The following CLVS1 variants were observed in gnomAD, a reference collection of about 807,000 sequenced individuals.
CLVS1 encodes clavesin 1.
CLVS1 carries 10 observed loss-of-function variants against 33.1 expected under a neutral mutation model. The ratio of observed to expected loss-of-function variants is 0.30; its 90% CI spans 0.19 to 0.51. The LOEUF is 0.51. Among genes scored for constraint, CLVS1 ranks in the 20% least tolerant of loss-of-function variants. The probability of loss-of-function intolerance (pLI) is 0.97; values close to 1 mark genes in which losing one functional copy is unlikely to be tolerated. For synonymous variants in CLVS1, 163 were observed against 166.1 expected, an observed-to-expected ratio of 0.98 and a Z score of 0.14; for missense variants, 343 against 433.4, an observed-to-expected ratio of 0.79 and a Z score of 1.85.
chr8:61,226,980 GTTTTT>G (rs55718731), intron 2 of CLVS1, among the ~76,000 whole-genome samples: 1 of 132,310 alleles, frequency 7.6e-6, no homozygotes, highest in African/African-American at 2.9e-5. Flanking sequence ...ACGAAAACAT[GTTTTT>G]TTTTTTTTTT....
chr8:61,368,121 C>A (rs760217154), intron 2 of CLVS1, among the ~76,000 whole-genome samples: 3 of 152,172 alleles, frequency 2.0e-5, no homozygotes, highest in Non-Finnish European at 4.4e-5. Flanking sequence ...CAAACCACTG[C>A]TTTATTTAAA....
chr8:61,284,102 G>A (rs1457340006), upstream of CLVS1, among the ~76,000 whole-genome samples: 1 of 152,206 alleles, frequency 6.6e-6, no homozygotes, highest in Non-Finnish European at 1.5e-5. Flanking sequence ...TATGTTAAGT[G>A]ACATAAGTCA....
chr8:61,148,826 C>T (rs2129294432), intron 2 of CLVS1, among the ~76,000 whole-genome samples: 1 of 152,294 alleles, frequency 6.6e-6, no homozygotes, highest in African/African-American at 2.4e-5. Context: ...GAAAAGAAGA[C>T]TGATGTGTGT....
At chr8:61,137,471 C>A (rs932545424) in intron 2 of CLVS1, among the ~76,000 whole-genome samples, 1 of 152,122 alleles carries the variant, frequency 6.6e-6, no homozygotes, top group African/African-American at 2.4e-5. Context: ...CTTCAGTTGT[C>A]ATGAGGTGTA....
chr8:61,272,993 T>C (rs1809478476), intron 2 of CLVS1, among the ~76,000 whole-genome samples: 1 of 151,010 alleles, frequency 6.6e-6, no homozygotes, highest in Non-Finnish European at 1.5e-5. Context: ...TTCTCTCAGC[T>C]CGTCAAAGTC....
At chr8:61,082,526 C>T (rs1320687438) in intron 1 of CLVS1, among the ~76,000 whole-genome samples, 1 of 151,902 alleles carries the variant, frequency 6.6e-6, no homozygotes, top group Non-Finnish European at 1.5e-5. Context: ...AAAAACTGTG[C>T]CTTGGTAGAT....
chr8:61,169,143 G>T (rs1806941867), intron 2 of CLVS1, among the ~76,000 whole-genome samples: 1 of 152,134 alleles, frequency 6.6e-6, no homozygotes, highest in South Asian at 2.1e-4. Flanking sequence ...CCAGCCACCA[G>T]TTCAGCTTTT....
intron 3 of CLVS1, among the ~76,000 whole-genome samples, chr8:61,439,394 G>A (rs1227254268): frequency 1.3e-5 from 2 of 152,332 alleles, no homozygotes; most frequent in East Asian, 1.9e-4. Flanking sequence ...GAAGTTGGAA[G>A]TGATTTTTAT....
At chr8:61,474,874 C>A (rs1329476546) in intron 5 of CLVS1, among the ~76,000 whole-genome samples, 1 of 152,136 alleles carries the variant, frequency 6.6e-6, no homozygotes, top group Non-Finnish European at 1.5e-5. Flanking sequence ...TATACATGTG[C>A]CATGTTGGTG....
chr8:61,236,113 T>C (rs2978550), intron 2 of CLVS1, among the ~76,000 whole-genome samples: 94,077 of 151,974 alleles, frequency 0.62, 31,235 homozygotes, highest in East Asian at 0.96. Context: ...CCATAGATTC[T>C]GAGGCGAGCT....
intron 2 of CLVS1, among the ~76,000 whole-genome samples, chr8:61,218,801 G>T (rs1330064023): frequency 6.8e-6 from 1 of 146,912 alleles, no homozygotes. Flanking sequence ...AAAAAAAGCT[G>T]GGAGTAGTCA....
intron 2 of CLVS1, among the ~76,000 whole-genome samples, chr8:61,317,263 A>C (rs563713700): frequency 6.6e-6 from 1 of 152,266 alleles, no homozygotes; most frequent in Admixed American, 6.5e-5. Context: ...AGAGGGCAGG[A>C]ATGTTGTGTC....
intron 2 of CLVS1, among the ~76,000 whole-genome samples, chr8:61,205,676 A>C (rs569398168): frequency 2.0e-5 from 3 of 152,278 alleles, no homozygotes; most frequent in Admixed American, 1.3e-4. Context: ...TTTTTTGAGC[A>C]ACCACCATCT....
At chr8:61,401,425 C>A (rs111369125) in intron 3 of CLVS1, among the ~76,000 whole-genome samples, 1 of 152,022 alleles carries the variant, frequency 6.6e-6, no homozygotes, top group African/African-American at 2.4e-5. Flanking sequence ...TGTCTTGTAT[C>A]GTTTTGAAGA....
chr8:61,358,612 CA>C (rs2129599748), intron 2 of CLVS1, among the ~76,000 whole-genome samples: 1 of 152,192 alleles, frequency 6.6e-6, no homozygotes, highest in African/African-American at 2.4e-5. Flanking sequence ...TTAAAACAAA[CA>C]AACAAACAAA....
At chr8:61,489,083 G>A (rs891854577) in intron 5 of CLVS1, among the ~76,000 whole-genome samples, 1 of 152,180 alleles carries the variant, frequency 6.6e-6, no homozygotes, top group African/African-American at 2.4e-5. Flanking sequence ...GGTGATTAGG[G>A]ATAAAGTACG....
chr8:61,451,512 G>T (rs1020442137), intron 3 of CLVS1, among the ~76,000 whole-genome samples: 8 of 152,216 alleles, frequency 5.3e-5, no homozygotes, highest in African/African-American at 7.2e-5. Flanking sequence ...GTATGTTGGT[G>T]CATGATGCTC....
upstream of CLVS1, among the ~76,000 whole-genome samples, chr8:61,054,231 G>T (rs1400188377): frequency 2.0e-5 from 3 of 152,206 alleles, no homozygotes; most frequent in Admixed American, 6.5e-5. Context: ...AACAGGGTCA[G>T]CTCCCTATCT....
chr8:61,240,524 G>A (rs1808676267), intron 2 of CLVS1, among the ~76,000 whole-genome samples: 1 of 152,126 alleles, frequency 6.6e-6, no homozygotes, highest in Non-Finnish European at 1.5e-5. Context: ...ATTTGTACAT[G>A]TCTATTTGTT....
Sources: gnomAD v4.1 joint callset for allele counts (sites outside exome capture counted in the v4.1 genomes callset) on GRCh38, gnomAD v4.1.1 for gene constraint, MANE v1.5 for transcripts, NCBI Gene and HGNC (gene_info 2026-07-23, HGNC 2026-07-21) for gene names.